The following CHD7 variants were observed in gnomAD, a reference collection of about 807,000 sequenced individuals.
The protein encoded by CHD7 is ATP-dependent chromatin remodeler CHD7.
Under a neutral mutation model 307.3 loss-of-function variants are expected in CHD7, and 24 were observed. The ratio of observed to expected loss-of-function variants is 0.08; its 90% CI spans 0.06 to 0.11. The LOEUF (loss-of-function observed/expected upper bound fraction) is 0.11, where lower values mean the gene tolerates loss of function less well. Among genes scored for constraint, CHD7 ranks in the 10% least tolerant of loss-of-function variants. CHD7 has a pLI of 1.00. For synonymous variants in CHD7, 1,363 were observed against 1,349.9 expected, an observed-to-expected ratio of 1.01 and a Z score of -0.21; for missense variants, 3,106 against 3,727.1, an observed-to-expected ratio of 0.83 and a Z score of 4.34.
chr8:60,749,168 C>T (rs1428953132), intron 2 of CHD7, among the ~76,000 whole-genome samples: 4 of 151,362 alleles, frequency 2.6e-5, no homozygotes, highest in African/African-American at 7.3e-5. Flanking sequence ...ATCAGGAGTT[C>T]GAGACTAGTC....
chr8:60,724,947 C>A (rs1162804707), intron 1 of CHD7, among the ~76,000 whole-genome samples: 1 of 152,174 alleles, frequency 6.6e-6, no homozygotes, highest in African/African-American at 2.4e-5. Context: ...ACAGAATGTG[C>A]AAATCTGGCA....
At chr8:60,845,488 G>A (rs528168835) in intron 23 of CHD7, 79 bp downstream of exon 23, 19 of 1,462,352 alleles carry the variant, frequency 1.3e-5, no homozygotes, top group East Asian at 7.4e-5. Flanking sequence ...GGCCCTTCAC[G>A]TCTGCAGATG....
intron 2 of CHD7, among the ~76,000 whole-genome samples, chr8:60,768,564 G>C (rs1171577300): frequency 6.6e-6 from 1 of 152,194 alleles, no homozygotes. Context: ...GTATTAGTTT[G>C]GTCCTTCCTC....
chr8:60,780,781 A>G (rs1350487851), intron 2 of CHD7, among the ~76,000 whole-genome samples: 2 of 152,312 alleles, frequency 1.3e-5, no homozygotes, highest in East Asian at 1.9e-4. Context: ...TGTATTAACT[A>G]AAGTGCTATT....
chr8:60,787,572 T>C (rs1176014063), intron 3 of CHD7, among the ~76,000 whole-genome samples: 1 of 152,148 alleles, frequency 6.6e-6, no homozygotes, highest in African/African-American at 2.4e-5. Flanking sequence ...GCACTTTTTT[T>C]AAGTAAGACA....
chr8:60,733,635 G>T (rs557491574), intron 1 of CHD7, among the ~76,000 whole-genome samples: 1 of 152,328 alleles, frequency 6.6e-6, no homozygotes, highest in South Asian at 2.1e-4. Context: ...TATGTATGGG[G>T]TAATATACTC....
intron 1 of CHD7, among the ~76,000 whole-genome samples, chr8:60,692,026 T>C (rs561448016): frequency 6.6e-6 from 1 of 152,348 alleles, no homozygotes; most frequent in East Asian, 1.9e-4. Context: ...GTGCTTCTGA[T>C]GTACTCTGAA....
intron 1 of CHD7, among the ~76,000 whole-genome samples, chr8:60,681,069 C>G (rs1481100699): frequency 6.6e-6 from 1 of 151,992 alleles, no homozygotes; most frequent in Non-Finnish European, 1.5e-5. Context: ...GGAGGGAGTA[C>G]TCAGTATACG....
chr8:60,847,952 CCACCCTGT>C (rs1805286943), intron 23 of CHD7, among the ~76,000 whole-genome samples: 1 of 151,892 alleles, frequency 6.6e-6, no homozygotes, highest in African/African-American at 2.4e-5. Context: ...ACCTTCTACC[CCACCCTGT>C]CACCATCTTC....
intron 7 of CHD7, among the ~76,000 whole-genome samples, chr8:60,813,377 T>C (rs1287373641): frequency 6.6e-6 from 1 of 152,200 alleles, no homozygotes; most frequent in Non-Finnish European, 1.5e-5. Context: ...TATTTTCTAA[T>C]TATTATGTCT....
intron 1 of CHD7, among the ~76,000 whole-genome samples, chr8:60,700,653 T>C (rs1385402746): frequency 1.3e-5 from 2 of 152,230 alleles, no homozygotes; most frequent in Admixed American, 1.3e-4. Flanking sequence ...ACATGGTCTG[T>C]CAACATGCAG....
intron 1 of CHD7, among the ~76,000 whole-genome samples, chr8:60,706,538 ACTT>A (rs1000765844): frequency 1.9e-4 from 29 of 152,180 alleles, no homozygotes; most frequent in African/African-American, 7.0e-4. Flanking sequence ...GTATTATGAA[ACTT>A]CTTTTTAATA....
intron 1 of CHD7, among the ~76,000 whole-genome samples, chr8:60,696,334 A>G (rs866931239): frequency 1.3e-5 from 2 of 152,364 alleles, no homozygotes; most frequent in African/African-American, 2.4e-5. Flanking sequence ...AAAAGCTACA[A>G]TTCCACAGTT....
chr8:60,695,795 C>G (rs1411602676), intron 1 of CHD7, among the ~76,000 whole-genome samples: 1 of 152,076 alleles, frequency 6.6e-6, no homozygotes, highest in South Asian at 2.1e-4. Context: ...ATATACTTCT[C>G]CTCATTAAAT....
chr8:60,697,803 A>G (rs533080163), intron 1 of CHD7, among the ~76,000 whole-genome samples: 1 of 152,378 alleles, frequency 6.6e-6, no homozygotes, highest in Non-Finnish European at 1.5e-5. Context: ...TAGCAAAAAT[A>G]TGTCCCAGCT....
Position 60,852,934 on chromosome 8 carries a change from A to G in CHD7, c.6209A>G (p.His2070Arg). Reference protein sequence around the residue: ...LLRKIREQVLHHPQLGERLKL... With the variant: ...LLRKIREQVLRHPQLGERLKL... The stretch of plus-strand genomic sequence containing the variant: ...CGGAAGATCCGCGAGCAGGTTCTCC[A>G]TCACCCCCAGCTGGGAGAGAGGCTT... The change falls in exon 31 of 38, where the codon CAT becomes CGT. Residue 2070 changes from histidine to arginine, a missense_variant. Transcript: ENST00000423902. The G allele has an allele frequency of 6.2e-7, 1 of 1,613,944 alleles. No individual in the cohort carries two copies. The highest frequency in any genetic ancestry group is 1.3e-5 in the African/African-American group (1 of 75,018).
Position 60,852,921 on chromosome 8 carries a change from G to C in CHD7, c.6196G>C (p.Glu2066Gln), listed in dbSNP as rs763289725. Residue 2066 changes from glutamate to glutamine, a missense_variant, in exon 31 of 38, where the codon GAG (glutamate) becomes CAG (glutamine). Transcript: ENST00000423902. ...CATTGAGCTGCTACGGAAGATCCGCGAGCAGGTTCTCCATCACCCCCAGCT... is the reference window on the plus strand; with the variant it reads ...CATTGAGCTGCTACGGAAGATCCGCCAGCAGGTTCTCCATCACCCCCAGCT... ...YRIELLRKIR[E>Q]QVLHHPQLGE... The C allele has an allele frequency of 3.1e-6, 5 of 1,613,938 alleles. No individual in the cohort carries two copies.
chr8:60,742,904 T>A lies in CHD7; in HGVS notation c.1472T>A (p.Ile491Asn), dbSNP rs1383452692. Residue 491 changes from isoleucine to asparagine, a missense_variant, in exon 2 of 38, where the codon ATC (isoleucine) becomes AAC (asparagine). Physicochemically the swap from Ile to Asn is moderately radical, Grantham distance 149. This residue lies in a region of CHD7 where 998 missense variants were observed against 1,004.5 expected (regional missense o/e 0.99). Transcript: ENST00000423902. ...GTTGGCCTTGGAGACCCACAAGCAA[T>A]CCAGGAACGACTGATACCTGGCCAA... is the stretch of plus-strand genomic sequence containing the variant. The part of the protein sequence containing the change: ...PGVGLGDPQA[I>N]QERLIPGQQH... 1.9e-6 allele frequency: 3 copies of A among 1,612,564 alleles called. No individual in the cohort carries two copies. Among genetic ancestry groups the A allele is most frequent in the African/African-American group, 1.3e-5 (1 of 74,980 alleles).
chr8:60,847,207 G>A (rs1302707920), intron 23 of CHD7, among the ~76,000 whole-genome samples: 2 of 152,210 alleles, frequency 1.3e-5, no homozygotes, highest in Non-Finnish European at 2.9e-5. Context: ...GTGGTTGGGG[G>A]AGGGCCTGTT....
Sources: gnomAD v4.1 joint callset for allele counts (sites outside exome capture counted in the v4.1 genomes callset) on GRCh38, gnomAD v4.1.1 for gene constraint, gnomAD v4.1.1 regional missense constraint, MANE v1.5 for transcripts, NCBI Gene and HGNC (gene_info 2026-07-23, HGNC 2026-07-21) for gene names.